KAZN: variants seen among roughly 807,000 people sequenced by gnomAD.
The protein encoded by KAZN is kazrin, periplakin interacting protein, also known as kazrin.
Under a neutral mutation model 87.4 loss-of-function variants are expected in KAZN, and 40 were observed. That is an observed-to-expected ratio of 0.46 (90% confidence interval 0.36 to 0.60). The LOEUF is 0.60. KAZN is among the 20% of genes least tolerant of loss of function. The pLI is 0.00. For synonymous variants in KAZN, 466 were observed against 458.3 expected (o/e 1.02, Z -0.22); for missense variants, 898 against 1,073.9 (o/e 0.84, Z 2.29).
At chr1:14,967,859 T>G (rs111454248) in intron 2 of KAZN, among the ~76,000 whole-genome samples, 2,302 of 152,284 alleles carry the variant, frequency 0.015, 31 homozygotes, top group South Asian at 0.038. Context: ...TTTTAGACCT[T>G]TGACCTCCAG....
intron 1 of KAZN, among the ~76,000 whole-genome samples, chr1:14,110,293 G>A (rs899500973): frequency 2.2e-5 from 3 of 138,684 alleles, no homozygotes; most frequent in Admixed American, 1.4e-4. Flanking sequence ...CCAAACCTTA[G>A]GAACTCATTT....
At chr1:14,400,968 C>T (rs1266446703) in intron 2 of KAZN, among the ~76,000 whole-genome samples, 1 of 152,198 alleles carries the variant, frequency 6.6e-6, no homozygotes. Flanking sequence ...CAAATGTGTG[C>T]TGGACATCTA....
intron 2 of KAZN, among the ~76,000 whole-genome samples, chr1:14,515,553 TCTCCTGTTCTACCATCCCGGC>T (rs931964749): frequency 3.3e-5 from 5 of 151,924 alleles, no homozygotes; most frequent in Non-Finnish European, 5.9e-5. Context: ...CCTCCATCCT[TCTCCTGTTCTACCATCCCGGC>T]CTCACTCACT....
intron 2 of KAZN, among the ~76,000 whole-genome samples, chr1:14,330,219 C>T (rs1656748402): frequency 6.6e-6 from 1 of 152,208 alleles, no homozygotes; most frequent in Non-Finnish European, 1.5e-5. Flanking sequence ...TCTTATTAAA[C>T]ACATACAAAA....
In KAZN at chr1:14,735,984, T is replaced by A. The variant is rs2100396072; in HGVS notation, c.226+136761T>A. On this transcript the variant is annotated intron_variant, in intron 1 of 14. Coordinates refer to ENST00000376030, the MANE Select transcript of KAZN (RefSeq NM_201628.3). This position sits in a 1 kb window ranked among gnomAD's most constrained non-coding sequence, Gnocchi z 4.3. ...AGATGAGTTACCTCCAACAAATAAG[T>A]GTTATGGGACATCTGGTGGAAATGC... Among the ~76,000 whole-genome samples the A allele has an allele frequency of 6.6e-6, 1 of 152,080 alleles. No homozygotes were observed. The highest frequency in any genetic ancestry group is 3.4e-3 in the Middle Eastern group (1 of 294).
chr1:15,072,811 C>T (rs1227943203), intron 8 of KAZN, among the ~76,000 whole-genome samples: 2 of 150,918 alleles, frequency 1.3e-5, no homozygotes, highest in African/African-American at 2.4e-5. Flanking sequence ...TGTGTAGTCT[C>T]AGGTCACCCA....
At chr1:14,921,169 C>CACAG (rs1658474900) in intron 1 of KAZN, among the ~76,000 whole-genome samples, 1 of 151,618 alleles carries the variant, frequency 6.6e-6, no homozygotes, top group African/African-American at 2.4e-5. Flanking sequence ...CACACACACA[C>CACAG]ACACACACAC....
chr1:14,389,204 A>G (rs1201803209), intron 2 of KAZN, among the ~76,000 whole-genome samples: 1 of 152,182 alleles, frequency 6.6e-6, no homozygotes, highest in Non-Finnish European at 1.5e-5. Context: ...GGCAATAACA[A>G]ATGCTGGTGA....
intron 2 of KAZN, among the ~76,000 whole-genome samples, chr1:14,964,451 G>A (rs1664224213): frequency 6.6e-6 from 1 of 152,144 alleles, no homozygotes; most frequent in Non-Finnish European, 1.5e-5. Flanking sequence ...CCAAGCTCAA[G>A]GTAGCGGCAT....
intron 1 of KAZN, among the ~76,000 whole-genome samples, chr1:14,863,352 G>A (rs1031793863): frequency 6.6e-6 from 1 of 152,196 alleles, no homozygotes; most frequent in Non-Finnish European, 1.5e-5. Flanking sequence ...CAGACACTCT[G>A]TCCCTCCGGG....
chr1:14,145,406 T>C (rs535270809), intron 1 of KAZN, among the ~76,000 whole-genome samples: 4 of 152,038 alleles, frequency 2.6e-5, no homozygotes, highest in Non-Finnish European at 4.4e-5. Context: ...ATTGCACTAC[T>C]GCACTCCAGC....
chr1:15,008,854 A>G (rs902095270), intron 2 of KAZN, among the ~76,000 whole-genome samples: 5 of 152,184 alleles, frequency 3.3e-5, no homozygotes, highest in African/African-American at 1.2e-4. Flanking sequence ...TGCCAGCCAC[A>G]GTCCTCAAGG....
intron 1 of KAZN, among the ~76,000 whole-genome samples, chr1:14,007,656 A>G (rs1640093618): frequency 6.6e-6 from 1 of 152,254 alleles, no homozygotes; most frequent in Non-Finnish European, 1.5e-5. Context: ...CCACAATTTT[A>G]TCACACTAGT....
At chr1:14,650,069 A>G (rs1454066353) in intron 1 of KAZN, among the ~76,000 whole-genome samples, 1 of 145,454 alleles carries the variant, frequency 6.9e-6, no homozygotes, top group African/African-American at 2.6e-5. Flanking sequence ...GCTGATAAGG[A>G]AACTAAAGCC....
At chr1:14,790,727 T>G (rs1645649217) in intron 1 of KAZN, among the ~76,000 whole-genome samples, 1 of 152,152 alleles carries the variant, frequency 6.6e-6, no homozygotes, top group Admixed American at 6.5e-5. Flanking sequence ...CTTTTTTTGT[T>G]CTGTTGCTGA....
chr1:13,971,301 A>G (rs533913344), intron 1 of KAZN, among the ~76,000 whole-genome samples: 1 of 152,302 alleles, frequency 6.6e-6, no homozygotes, highest in South Asian at 2.1e-4. Flanking sequence ...CTTCACCTTT[A>G]CTAACATTAT....
rs1453497247 is a variant in KAZN, at chr1:14,769,601, G to A, written c.226+170378G>A. On this transcript the variant is annotated intron_variant, in intron 1 of 14. Coordinates refer to ENST00000376030, the MANE Select transcript of KAZN (RefSeq NM_201628.3). This position sits in a 1 kb window ranked among gnomAD's most constrained non-coding sequence, Gnocchi z 4.1. ...ACTTATGACCTCAGGTGATCCACCT[G>A]CCTCAGCCTCCCAAAGTCCTGGGAT... is the stretch of plus-strand genomic sequence containing the variant. 2.6e-5 allele frequency among the ~76,000 whole-genome samples: 4 copies of A among 152,136 alleles called. No individual in the cohort carries two copies. Among genetic ancestry groups the A allele is most frequent in the Non-Finnish European group, 4.4e-5 (3 of 68,026 alleles).
intron 2 of KAZN, among the ~76,000 whole-genome samples, chr1:14,978,234 T>C (rs1572968198): frequency 6.6e-6 from 1 of 152,292 alleles, no homozygotes; most frequent in East Asian, 1.9e-4. Flanking sequence ...AAGATCTTCA[T>C]GGCTCAGATG....
chr1:14,823,544 A>C (rs1646797402), intron 1 of KAZN, among the ~76,000 whole-genome samples: 1 of 152,190 alleles, frequency 6.6e-6, no homozygotes, highest in African/African-American at 2.4e-5. Context: ...ATTGGTATTC[A>C]GAAGGTAGTG....
Sources: allele counts gnomAD v4.1 joint callset (sites outside exome capture counted in the v4.1 genomes callset), GRCh38; gene constraint gnomAD v4.1.1; non-coding constraint Gnocchi (gnomAD v3.1); transcripts MANE v1.5; gene names NCBI Gene and HGNC (gene_info 2026-07-23, HGNC 2026-07-21).